The following DYNC1I1 variants were observed in gnomAD, a reference collection of about 807,000 sequenced individuals.
The protein encoded by DYNC1I1 is cytoplasmic dynein 1 intermediate chain 1.
Under a neutral mutation model 86.6 loss-of-function variants are expected in DYNC1I1, and 43 were observed. The ratio of observed to expected loss-of-function variants is 0.50; its 90% confidence interval spans 0.39 to 0.64. The LOEUF is 0.64. DYNC1I1 is among the 30% of genes least tolerant of loss of function. The pLI, the probability that DYNC1I1 is intolerant of heterozygous loss-of-function variation, is 0.00. For synonymous variants in DYNC1I1, 262 were observed against 283.7 expected, an observed-to-expected ratio of 0.92 and a Z score of 0.77; for missense variants, 604 against 788.8, an observed-to-expected ratio of 0.77 and a Z score of 2.81.
At chr7:95,923,277 G>A (rs1276100460) in intron 6 of DYNC1I1, among the ~76,000 whole-genome samples, 3 of 152,088 alleles carry the variant, frequency 2.0e-5, no homozygotes, top group Non-Finnish European at 4.4e-5. Context: ...GGTAGGACAA[G>A]AACTCTGACT....
chr7:95,900,836 T>C (rs1268221150), intron 6 of DYNC1I1, among the ~76,000 whole-genome samples: 1 of 152,194 alleles, frequency 6.6e-6, no homozygotes, highest in Non-Finnish European at 1.5e-5. Flanking sequence ...TCATTCTAAA[T>C]AACATATAAG....
At chr7:95,942,246 C>G (rs927022913) in intron 6 of DYNC1I1, among the ~76,000 whole-genome samples, 1 of 152,170 alleles carries the variant, frequency 6.6e-6, no homozygotes, top group Non-Finnish European at 1.5e-5. Flanking sequence ...ACAAACACCT[C>G]TACGCAAATA....
chr7:95,870,590 A>G (rs1401368882), intron 6 of DYNC1I1, among the ~76,000 whole-genome samples: 1 of 152,264 alleles, frequency 6.6e-6, no homozygotes. Context: ...CAATTGAGGT[A>G]ACAACACACG....
chr7:95,833,093 A>G (rs1490801886), intron 5 of DYNC1I1, among the ~76,000 whole-genome samples: 1 of 148,916 alleles, frequency 6.7e-6, no homozygotes, highest in Non-Finnish European at 1.5e-5. Context: ...TAGGGTTTTT[A>G]TGGTTTTAGG....
At chr7:95,913,399 G>T (rs1266742713) in intron 6 of DYNC1I1, among the ~76,000 whole-genome samples, 1 of 152,138 alleles carries the variant, frequency 6.6e-6, no homozygotes. Context: ...ACTGTGAATT[G>T]TAGCTCCCAT....
chr7:95,971,517 A>G (rs1793170619), intron 6 of DYNC1I1, among the ~76,000 whole-genome samples: 2 of 152,168 alleles, frequency 1.3e-5, no homozygotes, highest in Admixed American at 1.3e-4. Context: ...ACAAAACAGA[A>G]AAACTCAGGT....
chr7:95,941,629 G>A (rs115713860), intron 6 of DYNC1I1, among the ~76,000 whole-genome samples: 9 of 152,316 alleles, frequency 5.9e-5, no homozygotes, highest in East Asian at 3.9e-4. Context: ...TAATCTCCTC[G>A]TGTGCTGTTT....
Position 95,851,571 on chromosome 7 carries a change from C to T in DYNC1I1, c.375-18312C>T, listed in dbSNP as rs1172125105. The stretch of plus-strand genomic sequence containing the variant: ...ATCTCTGGGATGAATCCCACTTAAT[C>T]ATAGTGAATGGTCTTTATAGTGTGC... On this transcript the variant is annotated intron_variant, in intron 5 of 16. Coordinates refer to ENST00000447467, the MANE Select transcript of DYNC1I1 (RefSeq NM_001135556.2). Among the ~76,000 whole-genome samples, 2 of 152,044 alleles carry T rather than the reference C, an allele frequency of 1.3e-5. 1 individual carries two copies. Among genetic ancestry groups the T allele is most frequent in the Admixed American group, 1.3e-4 (2 of 15,272 alleles).
At chr7:96,018,356 C>T (rs1794451772) in intron 10 of DYNC1I1, among the ~76,000 whole-genome samples, 1 of 152,196 alleles carries the variant, frequency 6.6e-6, no homozygotes, top group Admixed American at 6.5e-5. Context: ...TTGCCACTTA[C>T]TATTAATTTG....
intron 6 of DYNC1I1, among the ~76,000 whole-genome samples, chr7:95,906,788 A>G (rs778149176): frequency 1.3e-5 from 2 of 152,170 alleles, no homozygotes; most frequent in South Asian, 4.1e-4. Flanking sequence ...ACTACAGTCT[A>G]CTATAGCTCC....
Position 95,827,078 on chromosome 7 carries a change from A to C in DYNC1I1, c.315-979A>C, listed in dbSNP as rs562241678. The stretch of plus-strand genomic sequence containing the variant: ...GTTTCTGCATTTCCAACAAACTCCC[A>C]AGAGATGTTGATGCTACTGCTCTGT... On this transcript the variant is annotated intron_variant, in intron 4 of 16. Coordinates refer to ENST00000447467, the MANE Select transcript of DYNC1I1 (RefSeq NM_001135556.2). Among the ~76,000 whole-genome samples, 3 of 152,316 alleles carry C rather than the reference A, an allele frequency of 2.0e-5. No homozygotes were observed. In the South Asian group the frequency reaches 6.2e-4, roughly 32 times the overall value.
chr7:95,874,184 A>AC (rs1790244472), intron 6 of DYNC1I1, among the ~76,000 whole-genome samples: 2 of 152,226 alleles, frequency 1.3e-5, no homozygotes, highest in African/African-American at 4.8e-5. Context: ...ATTAAAGATC[A>AC]CCATAGAAGA....
intron 3 of DYNC1I1, 139 bp from the exon 4 acceptor site, chr7:95,813,108 C>CTTTTTCCCATCTCAA: frequency 1.6e-6 from 1 of 614,658 alleles, no homozygotes; most frequent in South Asian, 3.5e-5. Context: ...TTTTTTTTTT[C>CTTTTTCCCATCTCAA]TTTATCCCAT....
intron 6 of DYNC1I1, among the ~76,000 whole-genome samples, chr7:95,920,096 C>T (rs1044411017): frequency 4.6e-5 from 7 of 152,154 alleles, no homozygotes; most frequent in Admixed American, 6.5e-5. Context: ...ATATGGAAAG[C>T]GGGGGAAGGA....
chr7:96,039,773 T>A (rs1788979574), intron 14 of DYNC1I1, among the ~76,000 whole-genome samples: 1 of 152,058 alleles, frequency 6.6e-6, no homozygotes, highest in Admixed American at 6.6e-5. Context: ...CAGTTTCATG[T>A]CTATGTTCTG....
chr7:95,790,971 G>T (rs1467449914), intron 1 of DYNC1I1, among the ~76,000 whole-genome samples: 1 of 152,126 alleles, frequency 6.6e-6, no homozygotes, highest in Admixed American at 6.5e-5. Flanking sequence ...AAATTCATAC[G>T]TATTTTGTAG....
At chr7:95,974,980 A>G (rs780537862) in intron 6 of DYNC1I1, among the ~76,000 whole-genome samples, 53 of 152,154 alleles carry the variant, frequency 3.5e-4, no homozygotes, top group Non-Finnish European at 4.6e-4. Flanking sequence ...GGCAGTTTGC[A>G]TAGTGGTTAA....
chr7:95,899,282 T>G (rs899215737), intron 6 of DYNC1I1, among the ~76,000 whole-genome samples: 1 of 152,180 alleles, frequency 6.6e-6, no homozygotes, highest in Non-Finnish European at 1.5e-5. Flanking sequence ...ATAGTAATCT[T>G]GCTCTGCATA....
intron 6 of DYNC1I1, among the ~76,000 whole-genome samples, chr7:95,890,873 A>G (rs528208746): frequency 6.6e-6 from 1 of 152,320 alleles, no homozygotes; most frequent in African/African-American, 2.4e-5. Context: ...AGTTTATTAG[A>G]AAAAAATCTA....
Sources: gnomAD v4.1 joint callset for allele counts (sites outside exome capture counted in the v4.1 genomes callset) on GRCh38, gnomAD v4.1.1 for gene constraint, MANE v1.5 for transcripts, NCBI Gene and HGNC (gene_info 2026-07-23, HGNC 2026-07-21) for gene names.